VGLL1: variants seen among roughly 807,000 people sequenced by gnomAD.
The protein encoded by VGLL1 is transcription cofactor vestigial-like protein 1.
Under a neutral mutation model 12.0 loss-of-function variants are expected in VGLL1, and 4 were observed. That is an observed-to-expected ratio of 0.33 (90% CI 0.16 to 0.76). The LOEUF (loss-of-function observed/expected upper bound fraction) is 0.76, where lower values mean the gene tolerates loss of function less well. Among genes scored for constraint, VGLL1 ranks in the 30% least tolerant of loss-of-function variants. The probability of loss-of-function intolerance (pLI) is 0.60; values close to 1 mark genes in which losing one functional copy is unlikely to be tolerated. For synonymous variants in VGLL1, 87 were observed against 81.2 expected, an observed-to-expected ratio of 1.07 and a Z score of -0.39; for missense variants, 204 against 208.7, an observed-to-expected ratio of 0.98 and a Z score of 0.14.
At chrX:136,556,036 A>G (rs2075900156) in intron 4 of VGLL1, among the ~76,000 whole-genome samples, 1 of 111,572 alleles carries the variant, frequency 9.0e-6, no homozygotes, top group African/African-American at 3.3e-5. Flanking sequence ...GGCAAGACCC[A>G]TTGAGAATAG....
intron 2 of VGLL1, among the ~76,000 whole-genome samples, chrX:136,537,310 C>A (rs1219773621): frequency 7.3e-5 from 8 of 109,898 alleles, no homozygotes; most frequent in African/African-American, 2.7e-4. Context: ...GAGGTTGAGG[C>A]TGCAGTGGGC....
chrX:136,540,184 C>G (rs2075851903), intron 2 of VGLL1, among the ~76,000 whole-genome samples: 1 of 111,552 alleles, frequency 9.0e-6, no homozygotes, highest in Non-Finnish European at 1.9e-5. Flanking sequence ...AAATGAAAGT[C>G]ACACACTAGC....
chrX:136,541,835 G>A (rs2075857039), intron 2 of VGLL1, among the ~76,000 whole-genome samples: 1 of 112,522 alleles, frequency 8.9e-6, no homozygotes, highest in Non-Finnish European at 1.9e-5. Context: ...AATCAGTGTT[G>A]TGTTTTTATT....
intron 1 of VGLL1, among the ~76,000 whole-genome samples, chrX:136,532,654 TTTCTTTCTTTTTCTTTCTTTC>T (rs2075828443): frequency 1.3e-5 from 1 of 76,405 alleles, no homozygotes; most frequent in African/African-American, 4.9e-5. Context: ...TCTTTCTTTC[TTTCTTTCTTTTTCTTTCTTTC>T]TTCTTTCTTT....
chrX:136,547,240 G>A (rs886070651), intron 2 of VGLL1, among the ~76,000 whole-genome samples: 15 of 112,189 alleles, frequency 1.3e-4, no homozygotes, highest in Non-Finnish European at 3.8e-5. Flanking sequence ...TTTAAGAACT[G>A]TGTGGAAGAA....
chrX:136,555,669 C>T (rs1451971409), intron 4 of VGLL1, among the ~76,000 whole-genome samples: 2 of 111,817 alleles, frequency 1.8e-5, no homozygotes, highest in African/African-American at 6.5e-5. Flanking sequence ...TTCAGGCTTG[C>T]TTGTGAGGAG....
At position 136,532,691 on chromosome X, in the gene VGLL1, A is replaced by G. The variant is rs1361853276; in HGVS notation, c.-26+395A>G. Among the ~76,000 whole-genome samples, 3 of 23,958 alleles carry G rather than the reference A, an allele frequency of 1.3e-4. No homozygotes were observed. In the Admixed American group the frequency reaches 1.4e-3, roughly 11 times the overall value. The allele number at this position is 23,958 out of a possible 115,157, so 20.8% of individuals were successfully genotyped here. Reference sequence around the variant, plus strand: ...TCTTTCTTTCTTCTTTCTTTCTTTCATTTTTTGTTCTTTCTTTTTTTTTTT... The same window carrying G: ...TCTTTCTTTCTTCTTTCTTTCTTTCGTTTTTTGTTCTTTCTTTTTTTTTTT... On this transcript the variant is annotated intron_variant, in intron 1 of 4. Transcript: ENST00000370634.
At chrX:136,544,222 G>A (rs1210942881) in intron 2 of VGLL1, among the ~76,000 whole-genome samples, 1 of 111,880 alleles carries the variant, frequency 8.9e-6, no homozygotes. Context: ...TAAAATTTTT[G>A]GATATTTAGG....
chrX:136,539,421 C>T (rs918695316), intron 2 of VGLL1, among the ~76,000 whole-genome samples: 2 of 111,828 alleles, frequency 1.8e-5, no homozygotes, highest in African/African-American at 6.5e-5. Context: ...TACCCAGTGA[C>T]CTCCACTTTC....
intron 4 of VGLL1, among the ~76,000 whole-genome samples, chrX:136,555,630 G>A (rs1293970439): frequency 6.3e-5 from 7 of 111,771 alleles, no homozygotes; most frequent in Non-Finnish European, 1.3e-4. Context: ...AGAAAAGAAA[G>A]CTAATAAGGA....
chrX:136,532,575 TTCTTTCTTTC>T (rs1247703108), intron 1 of VGLL1, among the ~76,000 whole-genome samples: 4 of 6,458 alleles, frequency 6.2e-4, no homozygotes, highest in Non-Finnish European at 1.1e-3. Flanking sequence ...GCTCAAATAT[TTCTTTCTTTC>T]TTTCTTTCTT....
Position 136,556,562 on chromosome X carries a change from C to T in VGLL1, c.*23C>T. The T allele has an allele frequency of 1.7e-6, 2 of 1,176,536 alleles. No homozygotes were observed. Among genetic ancestry groups the T allele is most frequent in the Non-Finnish European group, 2.3e-6 (2 of 864,452 alleles). ...TAGTCAAGTTGGAGGAGAAAGACAA[C>T]ACTTGGTCTAAGACACGGCAGCAAG... On this transcript the variant is annotated 3_prime_UTR_variant, in exon 5 of 5. Coordinates refer to ENST00000370634, the MANE Select transcript of VGLL1 (RefSeq NM_016267.4).
At chrX:136,549,888 T>C (rs2075880896) in intron 3 of VGLL1, among the ~76,000 whole-genome samples, 2 of 111,878 alleles carry the variant, frequency 1.8e-5, no homozygotes, top group South Asian at 7.5e-4. Flanking sequence ...CCTCTGCCAT[T>C]CTGTACTCTG....
intron 4 of VGLL1, 24 bp from the exon 5 acceptor site, chrX:136,556,427 T>A (rs1241862671): frequency 8.4e-7 from 1 of 1,191,255 alleles, no homozygotes; most frequent in African/African-American, 1.8e-5. Flanking sequence ...CTGGCTTTCA[T>A]TAACCATGTA....
chrX:136,554,467 G>T (rs775085179), intron 4 of VGLL1, among the ~76,000 whole-genome samples: 1 of 111,568 alleles, frequency 9.0e-6, no homozygotes, highest in Admixed American at 9.5e-5. Context: ...GCAGGGGCCA[G>T]GTGGTGCAGG....
At chrX:136,535,351 G>T (rs983886266) in intron 1 of VGLL1, among the ~76,000 whole-genome samples, 47 of 111,784 alleles carry the variant, frequency 4.2e-4, no homozygotes, top group African/African-American at 1.5e-3. Flanking sequence ...ATGTTTTTTT[G>T]TACATCTGCA....
intron 2 of VGLL1, among the ~76,000 whole-genome samples, chrX:136,537,128 G>A (rs772630123): frequency 5.3e-5 from 6 of 112,174 alleles, no homozygotes; most frequent in Non-Finnish European, 1.1e-4. Flanking sequence ...CCAGCACTTT[G>A]AGAGGCCAAG....
intron 2 of VGLL1, among the ~76,000 whole-genome samples, chrX:136,539,397 G>A (rs1263059661): frequency 2.7e-5 from 3 of 111,143 alleles, no homozygotes; most frequent in African/African-American, 6.6e-5. Flanking sequence ...CCTTGAAATC[G>A]CTCTTATCAA....
chrX:136,546,173 C>A (rs1453436669), intron 2 of VGLL1, among the ~76,000 whole-genome samples: 1 of 111,875 alleles, frequency 8.9e-6, no homozygotes, highest in Non-Finnish European at 1.9e-5. Context: ...CTAGAGGTAA[C>A]TAATAGGGGG....
Sources: allele counts gnomAD v4.1 joint callset (sites outside exome capture counted in the v4.1 genomes callset), GRCh38; gene constraint gnomAD v4.1.1; transcripts MANE v1.5; gene names NCBI Gene and HGNC (gene_info 2026-07-23, HGNC 2026-07-21).